SMARCA2: variants seen among roughly 807,000 people sequenced by gnomAD.
SMARCA2 encodes SWI/SNF related BAF chromatin remodeling complex subunit ATPase 2, also known as SWI/SNF-related matrix-associated actin-dependent regulator of chromatin subfamily A member 2.
A neutral mutation model predicts 199.8 loss-of-function variants in SMARCA2; 61 were observed. The ratio of observed to expected loss-of-function variants is 0.31; its 90% CI spans 0.25 to 0.38. The LOEUF is 0.38. Ranked by LOEUF, SMARCA2 falls within the 10% of genes least tolerant of loss-of-function variation. The pLI, the probability that SMARCA2 is intolerant of heterozygous loss-of-function variation, is 1.00. For missense variants in SMARCA2, 1,344 were observed against 2,012.2 expected (o/e 0.67, Z 6.35); for synonymous variants, 935 against 732.0 (o/e 1.28, Z -4.48).
chr9:2,065,020 T>TA (rs35179840), intron 9 of SMARCA2, among the ~76,000 whole-genome samples: 7 of 151,986 alleles, frequency 4.6e-5, no homozygotes, highest in African/African-American at 9.7e-5. Context: ...CCATCTCTAC[T>TA]AAAAAATACA....
chr9:2,182,478 C>CTTTTTTTTTTTTTT (rs145095906), intron 31 of SMARCA2, among the ~76,000 whole-genome samples: 4 of 96,712 alleles, frequency 4.1e-5, no homozygotes, highest in African/African-American at 1.1e-4. Context: ...AGCTTATAGT[C>CTTTTTTTTTTTTTT]TTTTTTTTTT....
intron 19 of SMARCA2, among the ~76,000 whole-genome samples, chr9:2,090,705 C>G (rs190317064): frequency 3.3e-5 from 5 of 152,280 alleles, no homozygotes; most frequent in African/African-American, 1.2e-4. Context: ...ATTCTTGAAG[C>G]TCTTTCTCGC....
rs369983242 is a variant in SMARCA2 at position 2,074,035 on chromosome 9, AT to A, written c.1935+414del. Among the ~76,000 whole-genome samples the A allele has an allele frequency of 7.6e-4, 116 of 152,254 alleles. 1 individual carries two copies. The East Asian group carries it at 0.022, about 29-fold the overall frequency. ...CTTCAGACCTTCGAGTCTATTTGCAATTCTGAGTCTGGAAACTTTGACAAAA... is the reference window on the plus strand; with the variant it reads ...CTTCAGACCTTCGAGTCTATTTGCAATCTGAGTCTGGAAACTTTGACAAAA... On this transcript the variant is annotated intron_variant, in intron 12 of 33. Coordinates refer to ENST00000349721, the MANE Select transcript of SMARCA2 (RefSeq NM_003070.5).
At chr9:2,102,682 T>G (rs1358623686) in intron 22 of SMARCA2, among the ~76,000 whole-genome samples, 1 of 152,130 alleles carries the variant, frequency 6.6e-6, no homozygotes, top group Non-Finnish European at 1.5e-5. Context: ...CATCTCATAC[T>G]CCCAACGTGT....
chr9:2,083,250 T>G, intron 15 of SMARCA2, 97 bp from the exon 16 acceptor site: 2 of 730,068 alleles, frequency 2.7e-6, no homozygotes, highest in South Asian at 3.6e-5. Flanking sequence ...TGTAGCCCCT[T>G]TCAAGGTGAG....
intron 22 of SMARCA2, among the ~76,000 whole-genome samples, chr9:2,102,159 G>A (rs10448202): frequency 0.11 from 15,992 of 148,212 alleles, 922 homozygotes; most frequent in Middle Eastern, 0.17. Context: ...GTGTGTGTGT[G>A]TGTGTGGTGT....
chr9:2,160,753 A>G, intron 27 of SMARCA2: 1 of 420,866 alleles, frequency 2.4e-6, no homozygotes, highest in East Asian at 3.5e-5. Context: ...GCAATCTCAA[A>G]ACGTAATTTA....
intron 2 of SMARCA2, among the ~76,000 whole-genome samples, chr9:2,029,713 T>G (rs1818979702): frequency 6.6e-6 from 1 of 152,254 alleles, no homozygotes; most frequent in Non-Finnish European, 1.5e-5. Flanking sequence ...GGAAAGGGCT[T>G]TATTGAAATT....
chr9:2,048,247 C>A (rs1271522777), intron 5 of SMARCA2, among the ~76,000 whole-genome samples: 1 of 152,104 alleles, frequency 6.6e-6, no homozygotes, highest in African/African-American at 2.4e-5. Context: ...AAAAGGGAGT[C>A]CGGCAAGTAT....
chr9:2,164,279 T>C (rs1346240059), intron 28 of SMARCA2, among the ~76,000 whole-genome samples: 4 of 152,192 alleles, frequency 2.6e-5, no homozygotes, highest in African/African-American at 7.2e-5. Context: ...TACAGATTGG[T>C]AGGAGATTAT....
intron 29 of SMARCA2, among the ~76,000 whole-genome samples, chr9:2,176,182 G>GTTTTCTTTTTTTTTTT (rs1826578013): frequency 9.6e-6 from 1 of 104,160 alleles, no homozygotes; most frequent in African/African-American, 3.7e-5. Context: ...CGCCCGGCCT[G>GTTTTCTTTTTTTTTTT]TTTTTTTTTT....
chr9:2,168,139 G>T (rs1024124587), intron 28 of SMARCA2, among the ~76,000 whole-genome samples: 17 of 151,442 alleles, frequency 1.1e-4, no homozygotes, highest in African/African-American at 4.1e-4. Flanking sequence ...AGCCTCCAGA[G>T]TTGCTGGGAT....
chr9:2,130,982 C>T (rs955885403), intron 27 of SMARCA2, among the ~76,000 whole-genome samples: 12 of 152,170 alleles, frequency 7.9e-5, no homozygotes, highest in Admixed American at 1.3e-4. Context: ...AGCCAAAAAG[C>T]GGGCTGGAGG....
At chr9:2,071,470 G>C (rs1021888735) in intron 10 of SMARCA2, among the ~76,000 whole-genome samples, 12 of 152,154 alleles carry the variant, frequency 7.9e-5, no homozygotes, top group African/African-American at 2.7e-4. Flanking sequence ...CCTCCCATTG[G>C]TCTATAATTA....
intron 27 of SMARCA2, among the ~76,000 whole-genome samples, chr9:2,127,903 T>A (rs544132949): frequency 6.6e-6 from 1 of 152,214 alleles, no homozygotes; most frequent in Non-Finnish European, 1.5e-5. Flanking sequence ...AATTTAGAAT[T>A]TTTTTCTGCA....
At chr9:2,048,690 C>T (rs1003445540) in intron 5 of SMARCA2, among the ~76,000 whole-genome samples, 2 of 152,136 alleles carry the variant, frequency 1.3e-5, no homozygotes, top group African/African-American at 4.8e-5. Context: ...AAGAATATAA[C>T]TTTATTCTCA....
At chr9:2,098,323 A>C (rs1822360199) in intron 21 of SMARCA2, among the ~76,000 whole-genome samples, 1 of 152,252 alleles carries the variant, frequency 6.6e-6, no homozygotes, top group Non-Finnish European at 1.5e-5. Flanking sequence ...GGAAAGTTAA[A>C]ACTTAATCAC....
intron 3 of SMARCA2, 104 bp downstream of exon 3, chr9:2,033,185 G>A (rs1208238087): frequency 7.0e-6 from 9 of 1,281,622 alleles, no homozygotes; most frequent in Non-Finnish European, 9.7e-6. Context: ...TCTAAGGAAG[G>A]TTGAACCTAG....
rs1818351513 is a variant in SMARCA2, at chr9:2,016,317, A to T, written c.-37+913A>T. 6.6e-6 allele frequency: 1 copy of T among 152,328 alleles called. No individual in the cohort carries two copies. The highest frequency in any genetic ancestry group is 2.1e-4 in the South Asian group (1 of 4,830). 9.4% of individuals were successfully genotyped at this position (152,328 alleles called of 1,614,324 possible). On this transcript the variant is annotated intron_variant, in intron 1 of 33. Coordinates refer to ENST00000349721, the MANE Select transcript of SMARCA2 (RefSeq NM_003070.5). This position sits in a 1 kb window ranked among gnomAD's most constrained non-coding sequence, Gnocchi z 5.6. ...GCGGCAGCGCAGGCTCGGGTGTTAA[A>T]GTTCGGGATGTCCGGCCCGGGCCGC...
Sources: gnomAD v4.1 joint callset for allele counts (sites outside exome capture counted in the v4.1 genomes callset) on GRCh38, gnomAD v4.1.1 for gene constraint, Gnocchi (gnomAD v3.1) non-coding constraint, MANE v1.5 for transcripts, NCBI Gene and HGNC (gene_info 2026-07-23, HGNC 2026-07-21) for gene names.